The following FIG4 variants were observed in gnomAD, a reference collection of about 807,000 sequenced individuals.
FIG4 encodes polyphosphoinositide phosphatase.
FIG4 carries 112 observed loss-of-function variants against 118.6 expected under a neutral mutation model. That is an observed-to-expected ratio of 0.94 (90% CI 0.81 to 1.11). FIG4 has a LOEUF of 1.11. Among genes scored for constraint, FIG4 ranks in the 50% least tolerant of loss-of-function variants. FIG4 has a pLI of 0.00. For missense variants in FIG4, 969 were observed against 1,111.7 expected (o/e 0.87, Z 1.83); for synonymous variants, 369 against 381.2 (o/e 0.97, Z 0.37).
intron 22 of FIG4, among the ~76,000 whole-genome samples, chr6:109,810,908 C>G (rs1778702417): frequency 1.3e-5 from 2 of 152,122 alleles, no homozygotes; most frequent in South Asian, 4.1e-4. Context: ...GGCAGAGAAC[C>G]AGGCTGGTCA....
intron 16 of FIG4, 67 bp from the exon 17 acceptor site, chr6:109,784,903 T>C (rs1777907665): frequency 2.5e-6 from 2 of 790,828 alleles, no homozygotes; most frequent in South Asian, 3.2e-5. Flanking sequence ...AATTATTTTA[T>C]CCAGTAAATT....
intron 15 of FIG4, among the ~76,000 whole-genome samples, chr6:109,770,801 T>C (rs937713173): frequency 6.6e-6 from 1 of 152,146 alleles, no homozygotes; most frequent in Non-Finnish European, 1.5e-5. Context: ...ATCTCCAAAA[T>C]TGTGGATTAC....
chr6:109,745,560 A>G (rs1776467255), intron 10 of FIG4, among the ~76,000 whole-genome samples: 1 of 152,022 alleles, frequency 6.6e-6, no homozygotes, highest in African/African-American at 2.4e-5. Flanking sequence ...AGATGGAGAG[A>G]TGCAACAATT....
rs534837716 is a variant in FIG4 at position 109,711,946 on chromosome 6, C to G, written c.67-3132C>G. On this transcript the variant is annotated intron_variant, in intron 1 of 22. Transcript: ENST00000230124. ...GCTTCTTTCAGGAGCTCTTGCAAGG[C>G]AGTTCTGGTGGTAACAAATTCCCAC... Among the ~76,000 whole-genome samples the G allele has an allele frequency of 3.8e-4, 58 of 152,260 alleles. 1 individual carries two copies. Among genetic ancestry groups the G allele is most frequent in the Middle Eastern group, 6.8e-3 (2 of 294 alleles).
intron 6 of FIG4, among the ~76,000 whole-genome samples, chr6:109,735,866 A>T (rs1004432800): frequency 6.6e-6 from 1 of 151,968 alleles, no homozygotes; most frequent in African/African-American, 2.4e-5. Context: ...AGCAAGTCAG[A>T]GGTCGTTATT....
intron 21 of FIG4, among the ~76,000 whole-genome samples, chr6:109,793,611 G>A (rs1360004304): frequency 6.6e-6 from 1 of 152,138 alleles, no homozygotes; most frequent in African/African-American, 2.4e-5. Context: ...TATGAATACA[G>A]TTCCACTTAT....
In FIG4 at chr6:109,776,978, G is replaced by A. The variant is rs1346641175; in HGVS notation, c.1807G>A (p.Gly603Arg). 2 of 1,613,226 alleles carry A rather than the reference G, an allele frequency of 1.2e-6. No individual in the cohort carries two copies. Among genetic ancestry groups the A allele is most frequent in the Non-Finnish European group, 1.7e-6 (2 of 1,179,380 alleles). ...LFLGVFHPTEGKPHLWELPTD... is the reference protein window; with the variant it reads ...LFLGVFHPTERKPHLWELPTD... Reference sequence around the variant, plus strand: ...CCTGGGAGTTTTCCATCCCACTGAAGGGAAACCTCATCTCTGGGAGCTCCC... The same window carrying A: ...CCTGGGAGTTTTCCATCCCACTGAAAGGAAACCTCATCTCTGGGAGCTCCC... The change falls in exon 16 of 23, where the codon GGG becomes AGG. Residue 603 changes from glycine to arginine, a missense_variant. Around this residue, in one of 3 missense-constraint regions of FIG4, gnomAD observed 246 missense variants for 354.3 expected, o/e 0.69. Transcript: ENST00000230124.
At chr6:109,711,515 A>G (rs186255092) in intron 1 of FIG4, among the ~76,000 whole-genome samples, 1 of 152,274 alleles carries the variant, frequency 6.6e-6, no homozygotes, top group Non-Finnish European at 1.5e-5. Flanking sequence ...TCATTATGTA[A>G]TGCCATTCTT....
chr6:109,754,192 G>A, intron 10 of FIG4, among the ~76,000 whole-genome samples: 1 of 152,168 alleles, frequency 6.6e-6, no homozygotes, highest in East Asian at 1.9e-4. Flanking sequence ...CATCTATTGA[G>A]ATAATCATGT....
chr6:109,778,821 G>A (rs544091046), intron 16 of FIG4, among the ~76,000 whole-genome samples: 2 of 152,102 alleles, frequency 1.3e-5, no homozygotes, highest in Non-Finnish European at 2.9e-5. Context: ...GGGTGGTCTT[G>A]ATCTCCTGCC....
rs1005443221 is a variant in FIG4, at chr6:109,792,619, A to T, written c.2414A>T (p.Asn805Ile). The change falls in exon 21 of 23, where the codon AAC (asparagine) becomes ATC (isoleucine). Residue 805 changes from asparagine to isoleucine, a missense_variant. Around this residue, in one of 3 missense-constraint regions of FIG4, gnomAD observed 330 missense variants for 348.1 expected, o/e 0.95. Coordinates refer to ENST00000230124, the MANE Select transcript of FIG4 (RefSeq NM_014845.6). ...VQPMKELYGI[N>I]LSDGLSEEDF... is the part of the protein sequence containing the mutation. ...CCCATGAAGGAGCTATATGGAATTA[A>T]CCTCTCAGATGGCCTCTCAGAAGAA... 1.6e-5 allele frequency: 25 copies of T among 1,605,704 alleles called. No individual in the cohort carries two copies. The highest frequency in any genetic ancestry group is 2.1e-5 in the Non-Finnish European group (25 of 1,172,882).
chr6:109,732,512 A>G, intron 4 of FIG4, 125 bp from the exon 5 acceptor site: 1 of 665,432 alleles, frequency 1.5e-6, no homozygotes, highest in Non-Finnish European at 2.7e-6. Flanking sequence ...TATTCTAGAT[A>G]TGGTTTGAAT....
intron 3 of FIG4, among the ~76,000 whole-genome samples, chr6:109,718,716 G>T (rs1285947491): frequency 6.6e-6 from 1 of 151,980 alleles, no homozygotes; most frequent in Non-Finnish European, 1.5e-5. Flanking sequence ...AGTGTTTGTG[G>T]GAATGTGTAT....
At chr6:109,811,276 T>C (rs1195945358) in intron 22 of FIG4, among the ~76,000 whole-genome samples, 1 of 152,130 alleles carries the variant, frequency 6.6e-6, no homozygotes, top group African/African-American at 2.4e-5. Context: ...GACATCTTTC[T>C]AACAACCAGA....
At chr6:109,705,497 G>A (rs944216974) in intron 1 of FIG4, among the ~76,000 whole-genome samples, 2 of 152,030 alleles carry the variant, frequency 1.3e-5, no homozygotes, top group African/African-American at 2.4e-5. Context: ...AATGCGGGTA[G>A]GTATAGTGCT....
At chr6:109,802,440 AAATGAAATAGC>A (rs1366794844) in intron 22 of FIG4, among the ~76,000 whole-genome samples, 1 of 152,242 alleles carries the variant, frequency 6.6e-6, no homozygotes, top group Non-Finnish European at 1.5e-5. Flanking sequence ...CTATGCAGTG[AAATGAAATAGC>A]ACTGAACTGA....
chr6:109,731,354 A>G (rs1180701300), intron 4 of FIG4, among the ~76,000 whole-genome samples: 1 of 151,798 alleles, frequency 6.6e-6, no homozygotes, highest in Non-Finnish European at 1.5e-5. Flanking sequence ...CCCTAGAGAA[A>G]CTCTTGCACA....
intron 14 of FIG4, 84 bp from the exon 15 acceptor site, chr6:109,766,639 AAAGTAT>A: frequency 9.3e-7 from 1 of 1,079,510 alleles, no homozygotes; most frequent in African/African-American, 1.5e-5. Context: ...AAGAATTTTT[AAAGTAT>A]AAGACTTGTT....
chr6:109,763,653 G>A (rs921581572), intron 12 of FIG4, among the ~76,000 whole-genome samples: 2 of 152,194 alleles, frequency 1.3e-5, no homozygotes. Context: ...GAAAGCAAGG[G>A]AGATTTTGGT....
Sources: gnomAD v4.1 joint callset for allele counts (sites outside exome capture counted in the v4.1 genomes callset) on GRCh38, gnomAD v4.1.1 for gene constraint, gnomAD v4.1.1 regional missense constraint, MANE v1.5 for transcripts, NCBI Gene and HGNC (gene_info 2026-07-23, HGNC 2026-07-21) for gene names.